The following SDK1 variants were observed in gnomAD, a reference collection of about 807,000 sequenced individuals.
SDK1 encodes the protein protein sidekick-1.
In SDK1, 157 loss-of-function variants were observed where a neutral mutation model predicts 245.5. The ratio of observed to expected loss-of-function variants is 0.64; its 90% CI spans 0.56 to 0.73. The LOEUF is 0.73. SDK1 is among the 30% of genes least tolerant of loss of function. The pLI is 0.00. For synonymous variants in SDK1, 1,647 were observed against 1,278.5 expected, an observed-to-expected ratio of 1.29 and a Z score of -6.15; for missense variants, 3,583 against 3,002.3, an observed-to-expected ratio of 1.19 and a Z score of -4.52.
intron 4 of SDK1, among the ~76,000 whole-genome samples, chr7:3,662,353 A>G (rs1031605929): frequency 2.0e-5 from 3 of 152,108 alleles, no homozygotes; most frequent in Non-Finnish European, 2.9e-5. Context: ...GAGCATGAGC[A>G]TTTTTCACAG....
chr7:3,635,947 C>T (rs1782444931), intron 2 of SDK1, among the ~76,000 whole-genome samples: 1 of 152,168 alleles, frequency 6.6e-6, no homozygotes, highest in African/African-American at 2.4e-5. Flanking sequence ...ACGGTAGACA[C>T]CTTCCCATAT....
chr7:3,484,767 C>G (rs1277841872), intron 1 of SDK1, among the ~76,000 whole-genome samples: 1 of 152,156 alleles, frequency 6.6e-6, no homozygotes, highest in Non-Finnish European at 1.5e-5. Flanking sequence ...GGATATTTGT[C>G]TTTCTGGGCC....
At chr7:3,430,028 A>G (rs967627503) in intron 1 of SDK1, among the ~76,000 whole-genome samples, 1 of 152,180 alleles carries the variant, frequency 6.6e-6, no homozygotes, top group African/African-American at 2.4e-5. Flanking sequence ...GACATATTAC[A>G]TTTCAAGTGC....
chr7:3,372,128 T>G (rs557688642), intron 1 of SDK1, among the ~76,000 whole-genome samples: 23 of 152,306 alleles, frequency 1.5e-4, no homozygotes, highest in African/African-American at 5.1e-4. Context: ...TACATAAATA[T>G]GAGTTTCATC....
At chr7:4,016,984 C>G (rs191677233) in intron 16 of SDK1, among the ~76,000 whole-genome samples, 187 bp from the exon 17 acceptor site, 33 of 152,306 alleles carry the variant, frequency 2.2e-4, no homozygotes, top group Admixed American at 1.8e-3. Context: ...CTTATAATCA[C>G]TGTGAGATTA....
In SDK1 at chr7:4,268,331, C is replaced by G; in HGVS notation, c.*2947C>G. The G allele has an allele frequency of 1.9e-6, 2 of 1,040,410 alleles. No individual in the cohort carries two copies. The highest frequency in any genetic ancestry group is 3.4e-5 in the African/African-American group (2 of 58,878). The allele number at this position is 1,040,410 out of a possible 1,614,324, so 64.4% of individuals were successfully genotyped here. On this transcript the variant is annotated 3_prime_UTR_variant, in exon 45 of 45. Coordinates refer to ENST00000404826, the MANE Select transcript of SDK1 (RefSeq NM_152744.4). ...GGGCAGAGATTCCAGGCAGGTGAGC[C>G]CAGAGAGAGCTGCCAGGCCACACCC...
chr7:4,245,874 C>G, intron 44 of SDK1, 69 bp downstream of exon 44: 2 of 1,572,304 alleles, frequency 1.3e-6, no homozygotes, highest in East Asian at 2.3e-5. Flanking sequence ...CTTCTGCCCC[C>G]TCAGGCTGTC....
intron 2 of SDK1, among the ~76,000 whole-genome samples, chr7:3,628,354 T>C (rs902894076): frequency 6.6e-6 from 1 of 152,122 alleles, no homozygotes; most frequent in Non-Finnish European, 1.5e-5. Context: ...AATATATATA[T>C]TTTGTAGAGA....
Position 3,867,659 on chromosome 7 carries a change from G to A in SDK1, c.847+46076G>A, listed in dbSNP as rs10239119. On this transcript the variant is annotated intron_variant, in intron 5 of 44. Transcript: ENST00000404826. ...TGAGAAAGACCTGCTTCCATGATTCGGTTACCTCCCACCAGGTCCCTCCCA... is the reference window on the plus strand; with the variant it reads ...TGAGAAAGACCTGCTTCCATGATTCAGTTACCTCCCACCAGGTCCCTCCCA... 8.2e-3 allele frequency among the ~76,000 whole-genome samples: 1,255 copies of A among 152,176 alleles called. 22 individuals are homozygous for A. The highest frequency in any genetic ancestry group is 0.028 in the African/African-American group (1,183 of 41,522).
chr7:4,069,443 G>T (rs546672735), intron 20 of SDK1, among the ~76,000 whole-genome samples: 3 of 152,238 alleles, frequency 2.0e-5, no homozygotes, highest in African/African-American at 2.4e-5. Flanking sequence ...GGGCTCCTGC[G>T]TGGGTATTCT....
intron 40 of SDK1, among the ~76,000 whole-genome samples, chr7:4,221,883 C>T (rs913917232): frequency 7.2e-5 from 11 of 152,062 alleles, no homozygotes; most frequent in African/African-American, 2.7e-4. Context: ...TTTTTTTCAC[C>T]CTTCCTTCCA....
chr7:3,585,160 C>A (rs1780643794), intron 1 of SDK1, among the ~76,000 whole-genome samples: 1 of 152,180 alleles, frequency 6.6e-6, no homozygotes, highest in African/African-American at 2.4e-5. Context: ...CCTCTGCTTT[C>A]CAGAGGACCT....
chr7:4,152,046 C>T (rs573089456), intron 30 of SDK1, among the ~76,000 whole-genome samples: 6 of 152,330 alleles, frequency 3.9e-5, no homozygotes, highest in African/African-American at 1.2e-4. Context: ...AAGTCCAACC[C>T]TTGGCTGCCT....
intron 4 of SDK1, among the ~76,000 whole-genome samples, chr7:3,778,254 T>A (rs73672173): frequency 6.6e-6 from 1 of 152,332 alleles, no homozygotes; most frequent in African/African-American, 2.4e-5. Context: ...TCCTAACTTA[T>A]ATTAGTCCAT....
intron 5 of SDK1, among the ~76,000 whole-genome samples, chr7:3,910,036 A>T (rs1484007350): frequency 6.6e-6 from 1 of 152,180 alleles, no homozygotes; most frequent in Non-Finnish European, 1.5e-5. Flanking sequence ...ATCTGAAAGG[A>T]CTGTTCACTT....
At chr7:4,174,542 AGGTG>A (rs1221135756) in intron 33 of SDK1, among the ~76,000 whole-genome samples, 185 bp downstream of exon 33, 1 of 152,194 alleles carries the variant, frequency 6.6e-6, no homozygotes, top group Non-Finnish European at 1.5e-5. Flanking sequence ...GGTGTGCGGC[AGGTG>A]GGTGCAGCTG....
chr7:3,872,139 A>G (rs76979934), intron 5 of SDK1, among the ~76,000 whole-genome samples: 2,384 of 152,314 alleles, frequency 0.016, 72 homozygotes, highest in African/African-American at 0.054. Flanking sequence ...ATGAATCCCA[A>G]TTGGTAATAA....
At chr7:4,163,132 G>C (rs1405212577) in intron 32 of SDK1, among the ~76,000 whole-genome samples, 2 of 152,242 alleles carry the variant, frequency 1.3e-5, no homozygotes, top group Non-Finnish European at 2.9e-5. Flanking sequence ...GGTTCCTGAG[G>C]CCAGAATGGG....
intron 4 of SDK1, among the ~76,000 whole-genome samples, chr7:3,675,272 A>G (rs554617774): frequency 6.6e-6 from 1 of 152,370 alleles, no homozygotes; most frequent in South Asian, 2.1e-4. Flanking sequence ...AAGCTATTCA[A>G]AATCCAACAT....
Sources: gnomAD v4.1 joint callset for allele counts (sites outside exome capture counted in the v4.1 genomes callset) on GRCh38, gnomAD v4.1.1 for gene constraint, MANE v1.5 for transcripts, NCBI Gene and HGNC (gene_info 2026-07-23, HGNC 2026-07-21) for gene names.